PCM1: variants seen among roughly 807,000 people sequenced by gnomAD.
PCM1 encodes the protein pericentriolar material 1 protein.
In PCM1, 157 loss-of-function variants were observed where a neutral mutation model predicts 241.9. The ratio of observed to expected loss-of-function variants is 0.65; its 90% confidence interval spans 0.57 to 0.74. PCM1 has a LOEUF of 0.74. Ranked by LOEUF, PCM1 falls within the 30% of genes least tolerant of loss-of-function variation. The probability of loss-of-function intolerance (pLI) is 0.00; values close to 1 mark genes in which losing one functional copy is unlikely to be tolerated. For synonymous variants in PCM1, 1,085 were observed against 784.9 expected (o/e 1.38, Z -6.39); for missense variants, 3,478 against 2,360.1 (o/e 1.47, Z -9.81).
intron 26 of PCM1, among the ~76,000 whole-genome samples, chr8:17,988,646 G>T (rs2083416454): frequency 6.6e-6 from 1 of 151,882 alleles, no homozygotes; most frequent in Non-Finnish European, 1.5e-5. Context: ...TATATAGACT[G>T]TATAAAGCTT....
intron 13 of PCM1, among the ~76,000 whole-genome samples, chr8:17,958,003 G>T (rs546741649): frequency 3.3e-5 from 5 of 152,246 alleles, no homozygotes; most frequent in African/African-American, 1.2e-4. Context: ...TATAGTATCT[G>T]TCACAATTTC....
At chr8:17,992,301 T>C (rs1330285813) in intron 28 of PCM1, among the ~76,000 whole-genome samples, 1 of 152,192 alleles carries the variant, frequency 6.6e-6, no homozygotes, top group South Asian at 2.1e-4. Flanking sequence ...CTACTTTCAG[T>C]TGTTTAAGGA....
rs2092345910 is a variant in PCM1, at chr8:18,010,614, A to G, written c.5166A>G (p.Lys1722=). Reference sequence around the variant, plus strand: ...GTAATTGATTTGTTTTAAAGGCTAAAAGGATTCTTGAAGATCATGGCTCAC... The same window carrying G: ...GTAATTGATTTGTTTTAAAGGCTAAGAGGATTCTTGAAGATCATGGCTCAC... ...GVIQSCAKEA[K]RILEDHGSPA... The change falls in exon 32 of 39, where the codon AAA becomes AAG. Residue 1722 remains lysine, a synonymous_variant. Coordinates refer to ENST00000325083, the MANE Select transcript of PCM1 (RefSeq NM_006197.4). The G allele has an allele frequency of 6.3e-7, 1 of 1,597,590 alleles. No individual in the cohort carries two copies. Among genetic ancestry groups the G allele is most frequent in the Non-Finnish European group, 8.5e-7 (1 of 1,172,660 alleles).
At chr8:18,011,508 T>G in intron 33 of PCM1, 142 bp downstream of exon 33, 1 of 1,049,166 alleles carries the variant, frequency 9.5e-7, no homozygotes, top group South Asian at 1.8e-5. Context: ...CTGACTAAAT[T>G]ATCTAGACTT....
intron 23 of PCM1, among the ~76,000 whole-genome samples, chr8:17,979,886 T>C (rs2129474989): frequency 6.6e-6 from 1 of 152,276 alleles, no homozygotes; most frequent in Middle Eastern, 3.4e-3. Flanking sequence ...AGATATTTGA[T>C]CATCCTGTAT....
chr8:17,939,368 T>C (rs1038606393), intron 5 of PCM1, among the ~76,000 whole-genome samples: 2 of 41,040 alleles, frequency 4.9e-5, no homozygotes, highest in Non-Finnish European at 1.2e-4. Flanking sequence ...ATACATTTAA[T>C]TAATTTATAA....
In PCM1 at chr8:17,980,707, C is replaced by G. The variant is rs751437358; in HGVS notation, c.4060C>G (p.Gln1354Glu). Residue 1354 changes from glutamine (Q) to glutamate (E), a missense_variant, in exon 24 of 39, where the codon CAA becomes GAA. By Grantham distance (29) the Gln-to-Glu change is conservative. Transcript: ENST00000325083. ...AKVFSRKNHEQLEKIIKCNRS... is the reference protein window; with the variant it reads ...AKVFSRKNHEELEKIIKCNRS... ...AGTATTCAGCAGAAAGAATCATGAG[C>G]AACTGGAAAAAATAATAAAATGTAA... 6.2e-7 allele frequency: 1 copy of G among 1,612,162 alleles called. No homozygotes were observed. Among genetic ancestry groups the G allele is most frequent in the South Asian group, 1.1e-5 (1 of 91,016 alleles).
At chr8:17,989,440 A>G (rs918612041) in intron 26 of PCM1, among the ~76,000 whole-genome samples, 1 of 152,006 alleles carries the variant, frequency 6.6e-6, no homozygotes, top group African/African-American at 2.4e-5. Flanking sequence ...AATAAAGTTT[A>G]TTTTTTAAAA....
At chr8:17,950,554 C>CAAGA in intron 7 of PCM1, 61 bp from the exon 8 acceptor site, 1 of 828,392 alleles carries the variant, frequency 1.2e-6, no homozygotes, top group Admixed American at 2.7e-5. Context: ...TTTAGCTTCT[C>CAAGA]AGAGATTAAA....
intron 5 of PCM1, 134 bp from the exon 6 acceptor site, chr8:17,939,557 C>T: frequency 4.3e-6 from 2 of 460,712 alleles, no homozygotes; most frequent in Non-Finnish European, 7.4e-6. Flanking sequence ...TGTGTTAATT[C>T]ACACAATAAT....
rs3039044 is a variant in PCM1 at position 17,992,935 on chromosome 8, G to GTT, written c.4691-531_4691-530dup. Among the ~76,000 whole-genome samples the GTT allele has an allele frequency of 5.7e-3, 712 of 123,864 alleles. 11 individuals carry two copies. Among genetic ancestry groups the GTT allele is most frequent in the Non-Finnish European group, 5.7e-3 (350 of 61,012 alleles). The allele number at this position is 123,864 out of a possible 152,430, so 81.3% of individuals were successfully genotyped here. ...CTTGGCCTTAGCCCACTTTTTGATG[G>GTT]TTTTTTTTTTTTTTTTTTCCTGATT... is the stretch of plus-strand genomic sequence containing the variant. On this transcript the variant is annotated intron_variant, in intron 28 of 38. Transcript: ENST00000325083.
chr8:17,965,301 A>G (rs759874386), intron 18 of PCM1, among the ~76,000 whole-genome samples: 13 of 152,194 alleles, frequency 8.5e-5, no homozygotes, highest in East Asian at 3.9e-4. Context: ...CTTAAGCGCA[A>G]TTGATAAAAT....
chr8:17,933,491 A>T (rs557347110), intron 2 of PCM1, among the ~76,000 whole-genome samples: 4 of 152,352 alleles, frequency 2.6e-5, no homozygotes, highest in Admixed American at 6.5e-5. Flanking sequence ...CTGGAATTAC[A>T]TTAAGCCAAT....
At chr8:17,950,420 G>C (rs208759) in intron 7 of PCM1, among the ~76,000 whole-genome samples, 195 bp from the exon 8 acceptor site, 117,112 of 152,164 alleles carry the variant, frequency 0.77, 45,545 homozygotes, top group African/African-American at 0.82. Context: ...AGTTTTGTGA[G>C]CATCCCTTTA....
intron 29 of PCM1, among the ~76,000 whole-genome samples, chr8:17,999,377 A>AAT (rs2088323676): frequency 6.6e-6 from 1 of 152,034 alleles, no homozygotes; most frequent in Admixed American, 6.6e-5. Flanking sequence ...TTAAGCCAAG[A>AAT]TTAATCCTTC....
chr8:17,984,756 A>C (rs895853093), intron 24 of PCM1, among the ~76,000 whole-genome samples: 1 of 151,980 alleles, frequency 6.6e-6, no homozygotes, highest in Non-Finnish European at 1.5e-5. Context: ...TCAACAAGTA[A>C]ATTTAGCCGA....
Position 18,029,693 on chromosome 8 carries a change from C to T in PCM1, c.*2031C>T, listed in dbSNP as rs1334004611. The T allele has an allele frequency of 5.1e-6, 1 of 197,756 alleles. No homozygotes were observed. Among genetic ancestry groups the T allele is most frequent in the African/African-American group, 2.3e-5 (1 of 43,358 alleles). 12.3% of individuals were successfully genotyped at this position (197,756 alleles called of 1,614,324 possible). ...TTGAGAGCAGATATATTTATTTAATCTGTTTTCTCTAGTAACTATTGCTGA... is the reference window on the plus strand; with the variant it reads ...TTGAGAGCAGATATATTTATTTAATTTGTTTTCTCTAGTAACTATTGCTGA... On this transcript the variant is annotated 3_prime_UTR_variant, in exon 39 of 39. Coordinates refer to ENST00000325083, the MANE Select transcript of PCM1 (RefSeq NM_006197.4).
chr8:17,959,912 T>C, intron 13 of PCM1, 102 bp from the exon 14 acceptor site: 1 of 1,122,232 alleles, frequency 8.9e-7, no homozygotes, highest in Non-Finnish European at 1.3e-6. Context: ...ACTGCTTTAA[T>C]CTTTTTATGT....
chr8:17,981,340 C>T (rs910560332), intron 24 of PCM1, among the ~76,000 whole-genome samples: 3 of 152,188 alleles, frequency 2.0e-5, no homozygotes, highest in African/African-American at 4.8e-5. Context: ...AATTTTAATT[C>T]TGAAACTCCA....
Sources: allele counts gnomAD v4.1 joint callset (sites outside exome capture counted in the v4.1 genomes callset), GRCh38; gene constraint gnomAD v4.1.1; transcripts MANE v1.5; gene names NCBI Gene and HGNC (gene_info 2026-07-23, HGNC 2026-07-21).